Variants in GRK1 observed in about 807,000 individuals in gnomAD.
The protein encoded by GRK1 is rhodopsin kinase GRK1.
A neutral mutation model predicts 41.7 loss-of-function variants in GRK1; 28 were observed. The observed-to-expected ratio is 0.67, with a 90% CI of 0.50 to 0.92. GRK1 has a LOEUF of 0.92. Among genes scored for constraint, GRK1 ranks in the 40% least tolerant of loss-of-function variants. The pLI, the probability that GRK1 is intolerant of heterozygous loss-of-function variation, is 0.00. For synonymous variants in GRK1, 327 were observed against 286.7 expected, an observed-to-expected ratio of 1.14 and a Z score of -1.42; for missense variants, 703 against 671.2, an observed-to-expected ratio of 1.05 and a Z score of -0.52.
the GRK1 span, among the ~76,000 whole-genome samples, chr13:113,655,629 T>C: frequency 6.6e-6 from 1 of 152,198 alleles, no homozygotes; most frequent in Non-Finnish European, 1.5e-5. Flanking sequence ...GTGTGCTGTC[T>C]TCGTCTCTGT....
chr13:113,670,263 G>T (rs1364347500), intron 2 of GRK1, among the ~76,000 whole-genome samples: 7 of 152,164 alleles, frequency 4.6e-5, no homozygotes, highest in African/African-American at 1.7e-4. Context: ...CAGAGAGGAG[G>T]TGGCGCTGCC....
In GRK1 at chr13:113,723,153, C is replaced by T; in HGVS notation, c.1065C>T (p.Thr355=). 1 of 700,952 alleles carries T rather than the reference C, an allele frequency of 1.4e-6. No homozygotes were observed. The highest frequency in any genetic ancestry group is 2.6e-6 in the Non-Finnish European group (1 of 383,478). 43.4% of individuals were successfully genotyped at this position (700,952 alleles called of 1,614,324 possible). ...GQSKTKGYAG[T]PGFMAPELLQ... is the part of the protein sequence containing the mutation. The stretch of plus-strand genomic sequence containing the variant: ...GCAAGACCAAGGGCTACGCAGGGAC[C>T]CCAGGTAAGGGTCTGAGCGCAGCTG... Residue 355 remains threonine, a synonymous_variant, in exon 4 of 7, where the codon ACC becomes ACT. Coordinates refer to ENST00000335678, the MANE Select transcript of GRK1 (RefSeq NM_002929.3).
chr13:113,733,165 T>A, intron 6 of GRK1, 80 bp downstream of exon 6: 2 of 1,408,406 alleles, frequency 1.4e-6, no homozygotes, highest in Non-Finnish European at 1.9e-6. Flanking sequence ...GTCCAGCCTG[T>A]GAGAGTCGGC....
At chr13:113,734,926 C>T (rs2049991513) in intron 6 of GRK1, 142 bp from the exon 7 acceptor site, 1 of 798,644 alleles carries the variant, frequency 1.3e-6, no homozygotes, top group Non-Finnish European at 1.8e-6. Context: ...CTTTCTCTCT[C>T]AGCCTCCACG....
chr13:113,735,565 G>A lies in GRK1; in HGVS notation c.*202G>A, dbSNP rs760848593. On this transcript the variant is annotated 3_prime_UTR_variant, in exon 7 of 7. Transcript: ENST00000335678. Reference sequence around the variant, plus strand: ...GCCGCCAGACGCACATGCTGGTGCCGTGAGCCCCCGACTGCATATTTCACG... The same window carrying A: ...GCCGCCAGACGCACATGCTGGTGCCATGAGCCCCCGACTGCATATTTCACG... The A allele has an allele frequency of 1.7e-5, 9 of 529,006 alleles. No individual in the cohort carries two copies. The highest frequency in any genetic ancestry group is 5.0e-4 in the Middle Eastern group (1 of 2,010). The allele number at this position is 529,006 out of a possible 1,614,324, so 32.8% of individuals were successfully genotyped here. A position where few individuals can be genotyped will look rare whatever the true frequency, so the allele number is the denominator to read the frequency against.
chr13:113,733,562 CATGT>C (rs1343372857), intron 6 of GRK1, among the ~76,000 whole-genome samples: 2 of 138,154 alleles, frequency 1.4e-5, no homozygotes, highest in Non-Finnish European at 3.1e-5. Context: ...CACGTGTGTC[CATGT>C]ATGTGTATGT....
At chr13:113,649,484 TC>T in the GRK1 span, 1 of 1,555,158 alleles carries the variant, frequency 6.4e-7, no homozygotes, top group African/African-American at 1.4e-5. The surrounding 1 kb of genome is among the most constrained non-coding windows in gnomAD (Gnocchi z 4.7). Context: ...ACCTCAGCGT[TC>T]CTGGGGATGT....
chr13:113,664,488 T>G (rs1350265965), upstream of GRK1, among the ~76,000 whole-genome samples: 1 of 152,202 alleles, frequency 6.6e-6, no homozygotes, highest in Non-Finnish European at 1.5e-5. The surrounding 1 kb of genome is among the most constrained non-coding windows in gnomAD (Gnocchi z 5.4). Context: ...TACTTCTCTT[T>G]GAGAGACACG....
the GRK1 span, among the ~76,000 whole-genome samples, chr13:113,655,808 T>G: frequency 3.9e-5 from 6 of 152,214 alleles, no homozygotes; most frequent in African/African-American, 1.4e-4. Context: ...TGAGCCGTTC[T>G]CCAGTGACCC....
At chr13:113,657,794 C>T in the GRK1 span, among the ~76,000 whole-genome samples, 10 of 152,382 alleles carry the variant, frequency 6.6e-5, no homozygotes, top group African/African-American at 2.2e-4. Context: ...TGTGGACGCC[C>T]TCCACCGGCG....
intron 6 of GRK1, 146 bp from the exon 7 acceptor site, chr13:113,734,922 C>T: frequency 6.4e-6 from 5 of 777,084 alleles, no homozygotes; most frequent in Non-Finnish European, 5.7e-6. Flanking sequence ...TGGGCTTTCT[C>T]TCTCAGCCTC....
chr13:113,653,313 C>T, the GRK1 span: 1 of 1,612,374 alleles, frequency 6.2e-7, no homozygotes, highest in Non-Finnish European at 8.5e-7. Flanking sequence ...TGCCGTTTCA[C>T]ACCTCACCTG....
Position 113,733,017 on chromosome 13 carries a change from A to G in GRK1, c.1328A>G (p.Asp443Gly). ...KDPEKRLGFR[D>G]ETCDKLRAHP... ...CCGGAGAAGCGCCTGGGGTTCAGAGATGAGACCTGCGACAAGCTCCGTGCC... is the reference window on the plus strand; with the variant it reads ...CCGGAGAAGCGCCTGGGGTTCAGAGGTGAGACCTGCGACAAGCTCCGTGCC... Residue 443 changes from aspartate to glycine, a missense_variant, in exon 6 of 7, where the codon GAT (aspartate) becomes GGT (glycine). Physicochemically the swap from Asp to Gly is moderately conservative, Grantham distance 94. Transcript: ENST00000335678. 6.5e-7 allele frequency: 1 copy of G among 1,537,102 alleles called. No homozygotes were observed. The highest frequency in any genetic ancestry group is 8.7e-7 in the Non-Finnish European group (1 of 1,146,908).
At position 113,731,193 on chromosome 13, in the gene GRK1, G is replaced by A; in HGVS notation, c.1070-26G>A. The stretch of plus-strand genomic sequence containing the variant: ...GCCCACCATGGAGGTGACCACCTCT[G>A]AACCCGCAATGTCCCTTGCTGGCAG... On this transcript the variant is annotated intron_variant, in intron 4 of 6. Transcript: ENST00000335678. This position sits in a 1 kb window ranked among gnomAD's most constrained non-coding sequence, Gnocchi z 5.6. 1 of 1,535,690 alleles carries A rather than the reference G, an allele frequency of 6.5e-7. No individual in the cohort carries two copies. Among genetic ancestry groups the A allele is most frequent in the Non-Finnish European group, 8.7e-7 (1 of 1,145,982 alleles).
chr13:113,657,330 G>A, the GRK1 span, among the ~76,000 whole-genome samples: 1 of 152,246 alleles, frequency 6.6e-6, no homozygotes, highest in Non-Finnish European at 1.5e-5. Context: ...GGAGGTGGGG[G>A]CGCACAGGTG....
At chr13:113,649,428 A>G in the GRK1 span, 1 of 1,586,662 alleles carries the variant, frequency 6.3e-7, no homozygotes, top group Non-Finnish European at 8.6e-7. This position sits in a 1 kb window ranked among gnomAD's most constrained non-coding sequence, Gnocchi z 4.7. Context: ...GGTCGTGGGG[A>G]TTGTTGAAGG....
At chr13:113,733,803 C>T (rs546029848) in intron 6 of GRK1, among the ~76,000 whole-genome samples, 1 of 70,766 alleles carries the variant, frequency 1.4e-5, no homozygotes, top group Non-Finnish European at 2.7e-5. Flanking sequence ...GTATGTGTAT[C>T]TGTGTGCATA....
At chr13:113,729,016 C>T (rs2049914337) in intron 4 of GRK1, among the ~76,000 whole-genome samples, 1 of 152,156 alleles carries the variant, frequency 6.6e-6, no homozygotes, top group Non-Finnish European at 1.5e-5. Context: ...CTGTGAGGAG[C>T]AGTTGGGAAG....
intron 1 of GRK1, among the ~76,000 whole-genome samples, chr13:113,669,236 G>A (rs1041690829): frequency 1.3e-5 from 2 of 152,184 alleles, no homozygotes; most frequent in South Asian, 2.1e-4. Flanking sequence ...TTACAAACTC[G>A]TTCAATGGAG....
Sources: allele counts gnomAD v4.1 joint callset (sites outside exome capture counted in the v4.1 genomes callset), GRCh38; gene constraint gnomAD v4.1.1; non-coding constraint Gnocchi (gnomAD v3.1); transcripts MANE v1.5; gene names NCBI Gene and HGNC (gene_info 2026-07-23, HGNC 2026-07-21).